Variants in RIOX2 observed in about 807,000 individuals in gnomAD.
RIOX2 encodes the protein 60S ribosomal protein L27a histidine hydroxylase.
In RIOX2, 43 loss-of-function variants were observed where a neutral mutation model predicts 51.2. That is an observed-to-expected ratio of 0.84 (90% CI 0.66 to 1.08). RIOX2 has a LOEUF of 1.08. RIOX2 is among the 50% of genes least tolerant of loss of function. RIOX2 has a pLI of 0.00. For missense variants in RIOX2, 566 were observed against 561.7 expected (o/e 1.01, Z -0.08); for synonymous variants, 226 against 218.5 (o/e 1.03, Z -0.30).
At position 97,941,968 on chromosome 3, in the gene RIOX2, C is replaced by T. The variant is rs1047948130; in HGVS notation, c.*3216G>A. 11 of 184,812 alleles carry T rather than the reference C, an allele frequency of 6.0e-5. No homozygotes were observed. Among genetic ancestry groups the T allele is most frequent in the Non-Finnish European group, 1.1e-4 (10 of 90,710 alleles). 11.4% of individuals were successfully genotyped at this position (184,812 alleles called of 1,614,324 possible). A position where few individuals can be genotyped will look rare whatever the true frequency, so the allele number is the denominator to read the frequency against. ...TAAGAAAACCAAGCTCAACATAATA[C>T]GTTTTAAGCAAACAGGGATTTAACA... is the stretch of plus-strand genomic sequence containing the variant. On this transcript the variant is annotated 3_prime_UTR_variant, in exon 10 of 10. Transcript: ENST00000394198.
intron 2 of RIOX2, among the ~76,000 whole-genome samples, chr3:97,965,407 G>A (rs1038571218): frequency 6.6e-6 from 1 of 151,912 alleles, no homozygotes; most frequent in Non-Finnish European, 1.5e-5. Context: ...AGCTACTAGG[G>A]GGACTGAGGC....
chr3:97,968,340 T>C (rs1019527281), intron 1 of RIOX2, among the ~76,000 whole-genome samples: 1 of 152,230 alleles, frequency 6.6e-6, no homozygotes, highest in Non-Finnish European at 1.5e-5. Flanking sequence ...AGGCTAAAAG[T>C]AGTTATATCT....
At chr3:97,966,219 C>T (rs1021627057) in intron 2 of RIOX2, among the ~76,000 whole-genome samples, 17 of 152,170 alleles carry the variant, frequency 1.1e-4, no homozygotes, top group African/African-American at 3.6e-4. Flanking sequence ...TGGTAACTGA[C>T]GACAGAGCCC....
chr3:97,948,331 T>TA (rs2040408725), intron 7 of RIOX2, among the ~76,000 whole-genome samples: 1 of 152,132 alleles, frequency 6.6e-6, no homozygotes, highest in Non-Finnish European at 1.5e-5. Flanking sequence ...TTAAAGTTAG[T>TA]AAAAAATACT....
At position 97,954,268 on chromosome 3, in the gene RIOX2, G is replaced by C. The variant is rs1420120479; in HGVS notation, c.785+124C>G. ...CAAAGGAATGTGGAAGTCAGTAAAG[G>C]ACATAAACCCTGGGGTTTGCATAGG... On this transcript the variant is annotated intron_variant, in intron 5 of 9. Coordinates refer to ENST00000394198, the MANE Select transcript of RIOX2 (RefSeq NM_153182.4). The C allele has an allele frequency of 4.4e-6, 3 of 682,716 alleles. No homozygotes were observed. In the Admixed American group the frequency reaches 6.7e-5, roughly 15 times the overall value. The allele number at this position is 682,716 out of a possible 1,614,324, so 42.3% of individuals were successfully genotyped here.
intron 8 of RIOX2, among the ~76,000 whole-genome samples, chr3:97,946,238 T>A (rs1028161478): frequency 3.3e-5 from 5 of 152,244 alleles, no homozygotes; most frequent in South Asian, 4.2e-4. Flanking sequence ...TCAGTTTTTT[T>A]AATCATACCT....
chr3:97,965,467 G>A (rs1251759624), intron 2 of RIOX2, among the ~76,000 whole-genome samples: 1 of 151,136 alleles, frequency 6.6e-6, no homozygotes, highest in African/African-American at 2.4e-5. Flanking sequence ...AGCCGAGATC[G>A]TGCCACTGTA....
At chr3:97,970,293 C>A (rs1454285472) in intron 1 of RIOX2, among the ~76,000 whole-genome samples, 1 of 152,140 alleles carries the variant, frequency 6.6e-6, no homozygotes, top group Admixed American at 6.5e-5. Context: ...ACCCATACTG[C>A]CAAAAGTTAC....
chr3:97,947,435 T>G lies in RIOX2; in HGVS notation c.1075A>C (p.Arg359=). ...ELSTPGGKLP[R]LDSVVRLQFK... ...TGCAGTCTCACTACACTGTCCAGCC[T>G]CGGTAACTTTCCACCTAGAAAACCC... The change falls in exon 8 of 10, where the codon AGG becomes CGG. Residue 359 remains arginine, a synonymous_variant. Coordinates refer to ENST00000394198, the MANE Select transcript of RIOX2 (RefSeq NM_153182.4). The G allele has an allele frequency of 6.2e-7, 1 of 1,613,292 alleles. No homozygotes were observed. Among genetic ancestry groups the G allele is most frequent in the Non-Finnish European group, 8.5e-7 (1 of 1,179,458 alleles).
intron 2 of RIOX2, 27 bp from the exon 3 acceptor site, chr3:97,961,735 G>C (rs1576011794): frequency 6.4e-7 from 1 of 1,570,962 alleles, no homozygotes; most frequent in Middle Eastern, 1.7e-4. Context: ...AAAAGAAAGG[G>C]TCGGCGTGGG....
intron 6 of RIOX2, 64 bp from the exon 7 acceptor site, chr3:97,950,079 C>T (rs1197384108): frequency 1.3e-6 from 2 of 1,563,118 alleles, no homozygotes; most frequent in Non-Finnish European, 1.8e-6. Flanking sequence ...GCTCAGTCTC[C>T]ACAGTAGACT....
At chr3:97,963,452 G>T (rs905096684) in intron 2 of RIOX2, among the ~76,000 whole-genome samples, 2 of 152,078 alleles carry the variant, frequency 1.3e-5, no homozygotes, top group African/African-American at 2.4e-5. Context: ...CAGACCACTG[G>T]GCTTCTCTAT....
chr3:97,969,348 C>A (rs1706030543), intron 1 of RIOX2, among the ~76,000 whole-genome samples: 1 of 152,142 alleles, frequency 6.6e-6, no homozygotes, highest in African/African-American at 2.4e-5. Context: ...TTCAGGAAGG[C>A]ACAGCATTGC....
intron 2 of RIOX2, among the ~76,000 whole-genome samples, chr3:97,964,007 C>T (rs770236721): frequency 6.6e-6 from 1 of 152,130 alleles, no homozygotes; most frequent in East Asian, 1.9e-4. Flanking sequence ...AGTATACAAG[C>T]GATATTGCTT....
rs550482879 is a variant in RIOX2 at position 97,945,080 on chromosome 3, T to C, written c.*104A>G. 3.7e-5 allele frequency: 38 copies of C among 1,029,576 alleles called. No individual in the cohort carries two copies. The East Asian group carries it at 4.5e-4, about 12-fold the overall frequency. 63.8% of individuals were successfully genotyped at this position (1,029,576 alleles called of 1,614,324 possible). ...GGGAGGTCTCATGTTTGTTAGTAGA[T>C]ACGCAGGTAAGGAAACTTGAATTCA... On this transcript the variant is annotated 3_prime_UTR_variant, in exon 10 of 10. Coordinates refer to ENST00000394198, the MANE Select transcript of RIOX2 (RefSeq NM_153182.4).
intron 2 of RIOX2, among the ~76,000 whole-genome samples, chr3:97,962,208 C>T (rs182312811): frequency 1.0e-3 from 158 of 151,864 alleles, no homozygotes; most frequent in Non-Finnish European, 1.8e-3. Context: ...TGTAAAGGAG[C>T]GGAGTTAAAA....
intron 1 of RIOX2, chr3:97,971,965 C>G (rs920575535): frequency 6.6e-6 from 1 of 152,296 alleles, no homozygotes; most frequent in African/African-American, 2.4e-5. Flanking sequence ...CCCGACATGA[C>G]GCCCGGCGGC....
rs564048093 is a variant in RIOX2, at chr3:97,960,321, G to A, written c.553-1142C>T. Among the ~76,000 whole-genome samples the A allele has an allele frequency of 3.5e-4, 53 of 152,260 alleles. No homozygotes were observed. In the South Asian group the frequency reaches 9.3e-3, roughly 27 times the overall value. ...TTGTAAACAAATGATGTAAACTTAC[G>A]GTACTGATAAACACAATATTAAAAA... On this transcript the variant is annotated intron_variant, in intron 3 of 9. Transcript: ENST00000394198.
At chr3:97,952,173 G>C (rs1705276998) in intron 5 of RIOX2, 1 of 1,289,320 alleles carries the variant, frequency 7.8e-7, no homozygotes. Context: ...ACCTGAAGGA[G>C]CATTAGGCTC....
Sources: allele counts gnomAD v4.1 joint callset (sites outside exome capture counted in the v4.1 genomes callset), GRCh38; gene constraint gnomAD v4.1.1; transcripts MANE v1.5; gene names NCBI Gene and HGNC (gene_info 2026-07-23, HGNC 2026-07-21).